Variants in SIPA1L1 observed in about 807,000 individuals in gnomAD.
The protein encoded by SIPA1L1 is signal induced proliferation associated 1 like 1.
A neutral mutation model predicts 162.7 loss-of-function variants in SIPA1L1; 26 were observed. The ratio of observed to expected loss-of-function variants is 0.16; its 90% CI spans 0.12 to 0.22. The LOEUF is 0.22. Among genes scored for constraint, SIPA1L1 ranks in the 10% least tolerant of loss-of-function variants. The pLI is 1.00. For synonymous variants in SIPA1L1, 829 were observed against 837.4 expected, an observed-to-expected ratio of 0.99 and a Z score of 0.17; for missense variants, 1,874 against 2,241.0, an observed-to-expected ratio of 0.84 and a Z score of 3.31.
rs398025583 is a variant in SIPA1L1 at position 71,387,248 on chromosome 14, CAAAAAAAAAAAAAAA to C, written c.-465+66081_-465+66095del. Among the ~76,000 whole-genome samples the C allele has an allele frequency of 7.2e-4, 39 of 53,860 alleles. 1 individual carries two copies. The highest frequency in any genetic ancestry group is 1.0e-3 in the East Asian group (1 of 990). 35.3% of individuals were successfully genotyped at this position (53,860 alleles called of 152,430 possible). On this transcript the variant is annotated intron_variant, in intron 2 of 23. Coordinates refer to ENST00000381232, the MANE Select transcript of SIPA1L1 (RefSeq NM_001386936.1). ...GGGCAACAAGAGCGAAACTCTGTCT[CAAAAAAAAAAAAAAA>C]AAAAAAAAAAAAAGAAAGACTGAGT...
intron 20 of SIPA1L1, among the ~76,000 whole-genome samples, chr14:71,732,172 C>G (rs1202910241): frequency 2.0e-5 from 3 of 152,182 alleles, no homozygotes; most frequent in Non-Finnish European, 4.4e-5. Flanking sequence ...AGCTGTACTT[C>G]AGAGAAGTTC....
At chr14:71,481,123 G>T (rs2048322644) in intron 2 of SIPA1L1, among the ~76,000 whole-genome samples, 1 of 152,134 alleles carries the variant, frequency 6.6e-6, no homozygotes, top group Admixed American at 6.5e-5. Flanking sequence ...TTGCCTTTGA[G>T]ATGTGATTTG....
intron 20 of SIPA1L1, among the ~76,000 whole-genome samples, chr14:71,731,552 C>T (rs1016423224): frequency 1.3e-5 from 2 of 152,196 alleles, no homozygotes; most frequent in Non-Finnish European, 2.9e-5. Context: ...TCCATTATTC[C>T]TGCCTTACTT....
intron 2 of SIPA1L1, among the ~76,000 whole-genome samples, chr14:71,345,998 C>T (rs1258818487): frequency 1.3e-5 from 2 of 152,094 alleles, no homozygotes; most frequent in Non-Finnish European, 2.9e-5. Context: ...GCCTCCGCTT[C>T]CCGGATTCAA....
intron 2 of SIPA1L1, among the ~76,000 whole-genome samples, chr14:71,396,275 C>G (rs1363133307): frequency 6.6e-6 from 1 of 152,112 alleles, no homozygotes; most frequent in Non-Finnish European, 1.5e-5. Context: ...AAGTTTATAC[C>G]CAATTATCTA....
intron 2 of SIPA1L1, among the ~76,000 whole-genome samples, chr14:71,508,429 T>G (rs2050851873): frequency 6.6e-6 from 1 of 152,220 alleles, no homozygotes; most frequent in African/African-American, 2.4e-5. Context: ...CTTCTTTATT[T>G]GGAAAAGGGA....
At chr14:71,661,585 C>T in intron 10 of SIPA1L1, 118 bp downstream of exon 10, 1 of 1,087,592 alleles carries the variant, frequency 9.2e-7, no homozygotes, top group Non-Finnish European at 1.3e-6. Flanking sequence ...TTCTTTTTGT[C>T]TTTAAACCAT....
chr14:71,476,314 G>T (rs774188969), intron 2 of SIPA1L1, among the ~76,000 whole-genome samples: 1 of 152,214 alleles, frequency 6.6e-6, no homozygotes, highest in Non-Finnish European at 1.5e-5. Context: ...TGTAACATCA[G>T]TGTCTCAAAA....
chr14:71,367,321 T>TC (rs1491263376), intron 2 of SIPA1L1, among the ~76,000 whole-genome samples: 9 of 146,646 alleles, frequency 6.1e-5, no homozygotes, highest in South Asian at 2.1e-4. Flanking sequence ...TTTTTTTTTT[T>TC]CCCGATATGG....
intron 2 of SIPA1L1, among the ~76,000 whole-genome samples, chr14:71,331,299 T>G (rs948751931): frequency 6.6e-6 from 1 of 152,240 alleles, no homozygotes; most frequent in Non-Finnish European, 1.5e-5. Context: ...TGATTGGTAA[T>G]ATGTTCTGAA....
Position 71,705,356 on chromosome 14 carries a change from A to T in SIPA1L1, c.3765+16A>T, listed in dbSNP as rs1566696901. 6.4e-7 allele frequency: 1 copy of T among 1,571,208 alleles called. No individual in the cohort carries two copies. Among genetic ancestry groups the T allele is most frequent in the East Asian group, 2.2e-5 (1 of 44,674 alleles). Reference sequence around the variant, plus strand: ...ACAAGGGCATGTAAGTTAACTGTAAACTTAAAAAAGTATTAGATTCCTAGC... The same window carrying T: ...ACAAGGGCATGTAAGTTAACTGTAATCTTAAAAAAGTATTAGATTCCTAGC... On this transcript the variant is annotated intron_variant, in intron 16 of 23. Transcript: ENST00000381232.
rs146627562 is a variant in SIPA1L1, at chr14:71,733,748, C to A, written c.4944C>A (p.Pro1648=). The A allele has an allele frequency of 7.7e-5, 124 of 1,613,704 alleles. 1 individual carries two copies. The East Asian group carries it at 2.7e-3, about 35-fold the overall frequency. Residue 1648 remains proline, a synonymous_variant, in exon 21 of 24, where the codon CCC becomes CCA. Coordinates refer to ENST00000381232, the MANE Select transcript of SIPA1L1 (RefSeq NM_001386936.1). ...CTATGCCCGACCCTGGCCTGATGCCCCTGCCTGACACTGCTGCAGACTTGG... is the reference window on the plus strand; with the variant it reads ...CTATGCCCGACCCTGGCCTGATGCCACTGCCTGACACTGCTGCAGACTTGG... ...RQPMPDPGLM[P]LPDTAADLDW... is the part of the protein sequence containing the mutation.
chr14:71,489,232 A>AG (rs2049028377), intron 2 of SIPA1L1, among the ~76,000 whole-genome samples: 1 of 152,164 alleles, frequency 6.6e-6, no homozygotes, highest in African/African-American at 2.4e-5. Flanking sequence ...GGGATCTGAT[A>AG]GGCTATCTCT....
intron 2 of SIPA1L1, among the ~76,000 whole-genome samples, chr14:71,503,208 C>T (rs2050393617): frequency 6.6e-6 from 1 of 152,076 alleles, no homozygotes; most frequent in Non-Finnish European, 1.5e-5. Context: ...CTCATTTTAT[C>T]CTAAGAACAA....
intron 2 of SIPA1L1, among the ~76,000 whole-genome samples, chr14:71,420,224 A>G (rs2043085309): frequency 6.6e-6 from 1 of 152,164 alleles, no homozygotes; most frequent in Admixed American, 6.5e-5. Flanking sequence ...TAATCAAGTT[A>G]TTTTTCTAGA....
chr14:71,526,398 A>G (rs1413966381), intron 3 of SIPA1L1, among the ~76,000 whole-genome samples: 1 of 152,146 alleles, frequency 6.6e-6, no homozygotes, highest in Non-Finnish European at 1.5e-5. Context: ...TCTGACTTAC[A>G]TAGTTTTACC....
intron 2 of SIPA1L1, among the ~76,000 whole-genome samples, chr14:71,511,289 C>G (rs1267155712): frequency 6.6e-6 from 1 of 151,956 alleles, no homozygotes; most frequent in African/African-American, 2.4e-5. Context: ...AGCCCCCCTC[C>G]CCCGCCTTTC....
intron 4 of SIPA1L1, among the ~76,000 whole-genome samples, chr14:71,580,986 C>CT (rs1373551682): frequency 5.9e-5 from 9 of 152,092 alleles, no homozygotes; most frequent in Admixed American, 3.3e-4. Context: ...GCCTGCCTGT[C>CT]TATCTGTCTA....
chr14:71,409,433 A>G (rs959079589), intron 2 of SIPA1L1, among the ~76,000 whole-genome samples: 1 of 152,208 alleles, frequency 6.6e-6, no homozygotes, highest in Admixed American at 6.5e-5. Flanking sequence ...AAGGCATTAT[A>G]TGACATGTGG....
Sources: gnomAD v4.1 joint callset for allele counts (sites outside exome capture counted in the v4.1 genomes callset) on GRCh38, gnomAD v4.1.1 for gene constraint, MANE v1.5 for transcripts, NCBI Gene and HGNC (gene_info 2026-07-23, HGNC 2026-07-21) for gene names.